MIGA1: variants seen among roughly 807,000 people sequenced by gnomAD.
MIGA1 encodes family with sequence similarity 73, member A.
A neutral mutation model predicts 82.0 loss-of-function variants in MIGA1; 58 were observed. The ratio of observed to expected loss-of-function variants is 0.71; its 90% CI spans 0.57 to 0.88. The LOEUF is 0.88. Among genes scored for constraint, MIGA1 ranks in the 40% least tolerant of loss-of-function variants. The pLI, the probability that MIGA1 is intolerant of heterozygous loss-of-function variation, is 0.00. For synonymous variants in MIGA1, 249 were observed against 253.6 expected (o/e 0.98, Z 0.17); for missense variants, 751 against 749.1 (o/e 1.00, Z -0.03).
chr1:77,804,813 A>T (rs1683025734), intron 4 of MIGA1, among the ~76,000 whole-genome samples: 2 of 151,392 alleles, frequency 1.3e-5, no homozygotes, highest in South Asian at 4.2e-4. Flanking sequence ...TGTTTTTAGT[A>T]GAGATGGAGT....
intron 8 of MIGA1, among the ~76,000 whole-genome samples, chr1:77,849,511 A>G (rs1468934662): frequency 1.3e-5 from 2 of 152,252 alleles, no homozygotes; most frequent in Non-Finnish European, 2.9e-5. Context: ...TTTGAACAAT[A>G]GAAAATACAC....
At chr1:77,825,348 A>G (rs1325119507) in intron 7 of MIGA1, among the ~76,000 whole-genome samples, 2 of 152,206 alleles carry the variant, frequency 1.3e-5, no homozygotes, top group African/African-American at 4.8e-5. Context: ...GTGCAATCAC[A>G]AACAAATGAA....
chr1:77,786,617 G>A (rs538501029), intron 2 of MIGA1, among the ~76,000 whole-genome samples: 64 of 152,136 alleles, frequency 4.2e-4, no homozygotes, highest in Non-Finnish European at 9.0e-4. Context: ...TTCTAGGTCA[G>A]GGGCAAAATG....
rs558167081 is a variant in MIGA1, at chr1:77,860,283, T to C, written c.1275+157T>C. On this transcript the variant is annotated intron_variant, in intron 11 of 15. Transcript: ENST00000370791. The stretch of plus-strand genomic sequence containing the variant: ...TGCTCGGGTTGAACTATGTATAAAG[T>C]CCACACTATTTCAACCAAGTTGTTT... The C allele has an allele frequency of 5.2e-5, 29 of 562,078 alleles. No individual in the cohort carries two copies. In the African/African-American group the frequency reaches 5.3e-4, roughly 10 times the overall value. 34.8% of individuals were successfully genotyped at this position (562,078 alleles called of 1,614,324 possible). A position where few individuals can be genotyped will look rare whatever the true frequency, so the allele number is the denominator to read the frequency against.
chr1:77,790,368 G>A (rs1187607814), intron 2 of MIGA1, among the ~76,000 whole-genome samples: 1 of 152,194 alleles, frequency 6.6e-6, no homozygotes, highest in Non-Finnish European at 1.5e-5. Flanking sequence ...CCGGGTTCAA[G>A]TGATTCTCCT....
chr1:77,803,354 C>A lies in MIGA1; in HGVS notation c.458C>A (p.Ala153Asp). ...AAAGGATCTCAAGTTTGTAACTATG[C>A]TAATGGAGGACTTTTCAGTAAATAT... Residue 153 changes from alanine (A) to aspartate (D), a missense_variant, in exon 4 of 16, where the codon GCT becomes GAT. Physicochemically the swap from Ala to Asp is moderately radical, Grantham distance 126. This residue lies in a region of MIGA1 where 482 missense variants were observed against 439.4 expected (regional missense o/e 1.10). Transcript: ENST00000370791. 6.4e-7 allele frequency: 1 copy of A among 1,565,668 alleles called. No individual in the cohort carries two copies. The highest frequency in any genetic ancestry group is 8.7e-7 in the Non-Finnish European group (1 of 1,152,854).
intron 5 of MIGA1, among the ~76,000 whole-genome samples, chr1:77,808,349 A>G (rs1683187788): frequency 6.6e-6 from 1 of 152,136 alleles, no homozygotes; most frequent in Non-Finnish European, 1.5e-5. Flanking sequence ...TAACATTTAC[A>G]TGTTCTAGGA....
intron 1 of MIGA1, chr1:77,782,730 T>C (rs1054860400): frequency 1.7e-5 from 4 of 238,718 alleles, no homozygotes; most frequent in African/African-American, 2.3e-5. Flanking sequence ...ATCTTTAAAA[T>C]GAGACAATAG....
chr1:77,860,084 C>T lies in MIGA1; in HGVS notation c.1233C>T (p.Ser411=), dbSNP rs778027317. The stretch of plus-strand genomic sequence containing the variant: ...CTAACAGGATATTCCTCGCTGAGAG[C>T]GGAAGGAAAATTTTATCAGCTTTAA... Residue 411 remains serine, a synonymous_variant, in exon 11 of 16, where the codon AGC becomes AGT. Coordinates refer to ENST00000370791, the MANE Select transcript of MIGA1 (RefSeq NM_198549.4). The T allele has an allele frequency of 3.2e-5, 51 of 1,611,692 alleles. No homozygotes were observed. Among genetic ancestry groups the T allele is most frequent in the African/African-American group, 9.4e-5 (7 of 74,812 alleles).
At position 77,802,789 on chromosome 1, in the gene MIGA1, GA is replaced by G. The variant is rs761521233; in HGVS notation, c.374-470del. On this transcript the variant is annotated intron_variant, in intron 3 of 15. Transcript: ENST00000370791. ...GAGTGAGATCTTTTCTCAAAAAAAG[GA>G]AAAAAAAAAACCAAGAAACTAATGT... Among the ~76,000 whole-genome samples, 137 of 140,888 alleles carry G rather than the reference GA, an allele frequency of 9.7e-4. 1 individual carries two copies. Among genetic ancestry groups the G allele is most frequent in the African/African-American group, 2.1e-3 (81 of 38,554 alleles). The allele number at this position is 140,888 out of a possible 152,430, so 92.4% of individuals were successfully genotyped here.
intron 5 of MIGA1, chr1:77,810,903 T>C: frequency 6.2e-7 from 1 of 1,611,918 alleles, no homozygotes; most frequent in Non-Finnish European, 8.5e-7. Context: ...GATAAAGTGG[T>C]TTCTTGGTCA....
At chr1:77,805,685 A>G (rs1683073585) in intron 4 of MIGA1, among the ~76,000 whole-genome samples, 2 of 151,464 alleles carry the variant, frequency 1.3e-5, no homozygotes, top group South Asian at 4.2e-4. Context: ...GTGCACCACC[A>G]CACCTGGCTA....
intron 8 of MIGA1, among the ~76,000 whole-genome samples, chr1:77,854,241 G>T (rs971351018): frequency 6.6e-6 from 1 of 152,194 alleles, no homozygotes; most frequent in Non-Finnish European, 1.5e-5. Flanking sequence ...TGGCTGCACA[G>T]TATTCCTTCA....
intron 14 of MIGA1, 93 bp from the exon 15 acceptor site, chr1:77,872,911 G>T: frequency 6.6e-7 from 1 of 1,517,510 alleles, no homozygotes; most frequent in Non-Finnish European, 9.0e-7. Flanking sequence ...ACTCCCACTG[G>T]TCATATAATG....
intron 2 of MIGA1, among the ~76,000 whole-genome samples, chr1:77,789,531 T>C (rs1682327977): frequency 6.6e-6 from 1 of 152,188 alleles, no homozygotes; most frequent in Non-Finnish European, 1.5e-5. Flanking sequence ...TCTCTTTTTT[T>C]AACCAGATTT....
At chr1:77,834,068 A>G (rs1357990779) in intron 7 of MIGA1, among the ~76,000 whole-genome samples, 2 of 152,254 alleles carry the variant, frequency 1.3e-5, no homozygotes, top group Admixed American at 1.3e-4. Context: ...TTGTACATAC[A>G]TTATTTCACA....
chr1:77,825,692 T>C (rs1201935819), intron 7 of MIGA1, among the ~76,000 whole-genome samples: 7 of 152,088 alleles, frequency 4.6e-5, no homozygotes, highest in Non-Finnish European at 8.8e-5. Context: ...TCTGGAAGTG[T>C]TATGTTTATG....
chr1:77,861,473 C>T (rs981572702), intron 12 of MIGA1, 151 bp downstream of exon 12: 1 of 575,354 alleles, frequency 1.7e-6, no homozygotes, highest in Non-Finnish European at 3.0e-6. Flanking sequence ...ATAAACCACA[C>T]TCCTTGTACG....
At chr1:77,799,244 C>A (rs2101741432) in intron 2 of MIGA1, among the ~76,000 whole-genome samples, 1 of 152,242 alleles carries the variant, frequency 6.6e-6, no homozygotes, top group Middle Eastern at 3.4e-3. Context: ...GATGCACAAC[C>A]ATTGCAAATT....
Sources: allele counts gnomAD v4.1 joint callset (sites outside exome capture counted in the v4.1 genomes callset), GRCh38; gene constraint gnomAD v4.1.1; regional missense constraint gnomAD v4.1.1; transcripts MANE v1.5; gene names NCBI Gene and HGNC (gene_info 2026-07-23, HGNC 2026-07-21).